Variants in OR1L8 observed in about 807,000 individuals in gnomAD.
The protein encoded by OR1L8 is olfactory receptor family 1 subfamily L member 8.
For missense variants in OR1L8, 330 were observed against 377.4 expected, an observed-to-expected ratio of 0.87 and a Z score of 1.04; for synonymous variants, 148 against 147.0, an observed-to-expected ratio of 1.01 and a Z score of -0.05.
rs76907019 is a variant in OR1L8, at chr9:122,568,470, C to A, written c.8G>T (p.Arg3Ile). The A allele has an allele frequency of 5.4e-4, 851 of 1,571,086 alleles. 16 individuals carry two copies. The East Asian group carries it at 0.019, about 35-fold the overall frequency. ...GGAGACACTGCTGGTGTGGTTGATT[C>A]TTTCCATTGACTTGGGCTCAGTTAT... ME[R>I]INHTSSVSEF... The change falls in exon 5 of 5, where the codon AGA becomes ATA. Residue 3 changes from arginine (R) to isoleucine (I), a missense_variant. Physicochemically the swap from Arg to Ile is moderately conservative, Grantham distance 97. Coordinates refer to ENST00000641027, the MANE Select transcript of OR1L8 (RefSeq NM_001004454.2).
At chr9:122,569,124 T>C (rs2118716045) in intron 4 of OR1L8, among the ~76,000 whole-genome samples, 1 of 152,104 alleles carries the variant, frequency 6.6e-6, no homozygotes, top group South Asian at 2.1e-4. Context: ...ACGCAGTCAA[T>C]AGAGTGATTT....
chr9:122,576,384 G>C (rs1829656747), intron 3 of OR1L8, among the ~76,000 whole-genome samples: 2 of 132,018 alleles, frequency 1.5e-5, no homozygotes, highest in African/African-American at 3.1e-5. Context: ...ACCACGCCCA[G>C]CTAATTTTTT....
At chr9:122,563,361 G>A (rs1278141944), downstream of OR1L8, among the ~76,000 whole-genome samples, 25 of 152,098 alleles carry the variant, frequency 1.6e-4, no homozygotes, top group Non-Finnish European at 3.5e-4. Flanking sequence ...AATGATTAGT[G>A]ATACTGAGCA....
chr9:122,558,291 A>G, the OR1L8 span, among the ~76,000 whole-genome samples: 4 of 75,128 alleles, frequency 5.3e-5, no homozygotes, highest in Non-Finnish European at 1.1e-4. Context: ...GGAAGCTTAG[A>G]TTATTTATTT....
downstream of OR1L8, among the ~76,000 whole-genome samples, chr9:122,565,635 C>T (rs1331424348): frequency 6.6e-6 from 1 of 152,196 alleles, no homozygotes; most frequent in East Asian, 1.9e-4. Context: ...CATTAGTCTG[C>T]TTCTGTCATA....
intron 3 of OR1L8, among the ~76,000 whole-genome samples, chr9:122,574,227 T>C (rs1373888265): frequency 1.3e-5 from 2 of 152,210 alleles, no homozygotes; most frequent in African/African-American, 2.4e-5. Context: ...AATTAGTTTT[T>C]TAATATCTGC....
chr9:122,547,657 G>GTGTGTA, the OR1L8 span, among the ~76,000 whole-genome samples: 1 of 147,812 alleles, frequency 6.8e-6, no homozygotes, highest in African/African-American at 2.5e-5. Context: ...GTGTGTGTGT[G>GTGTGTA]TACATACACA....
In OR1L8 at chr9:122,568,083, T is replaced by G; in HGVS notation, c.395A>C (p.His132Pro). The change falls in exon 5 of 5, where the codon CAC becomes CCC. Residue 132 changes from histidine to proline, a missense_variant. His to Pro is a moderately conservative substitution (Grantham distance 77). Coordinates refer to ENST00000641027, the MANE Select transcript of OR1L8 (RefSeq NM_001004454.2). The stretch of plus-strand genomic sequence containing the variant: ...GTGGTGGCTCATGGTGGTGACATAG[T>G]GGAAAGGGTCACAGACGGCCACATA... ...DRYVAVCDPF[H>P]YVTTMSHHHC... is the part of the protein sequence containing the mutation. 6.2e-7 allele frequency: 1 copy of G among 1,613,728 alleles called. No individual in the cohort carries two copies. Among genetic ancestry groups the G allele is most frequent in the Non-Finnish European group, 8.5e-7 (1 of 1,179,900 alleles).
chr9:122,546,641 C>T, the OR1L8 span, among the ~76,000 whole-genome samples: 2 of 152,088 alleles, frequency 1.3e-5, no homozygotes, highest in South Asian at 4.2e-4. Flanking sequence ...TTCACTTTAC[C>T]ACAATATAAA....
intron 3 of OR1L8, among the ~76,000 whole-genome samples, chr9:122,573,348 TTC>T (rs564107822): frequency 8.5e-4 from 129 of 152,380 alleles, no homozygotes; most frequent in African/African-American, 3.0e-3. Context: ...AAGGGAATGC[TTC>T]TCTTTCCTCA....
the OR1L8 span, chr9:122,553,614 T>G: frequency 1.9e-6 from 3 of 1,614,004 alleles, no homozygotes; most frequent in Non-Finnish European, 2.5e-6. Flanking sequence ...ACCACTCCAT[T>G]ACAGCACATC....
At chr9:122,580,324 C>CT (rs5900533) in intron 1 of OR1L8, among the ~76,000 whole-genome samples, 20,664 of 152,162 alleles carry the variant, frequency 0.14, 1,511 homozygotes, top group Middle Eastern at 0.2. Context: ...GAAATGTATT[C>CT]TTTTTATTTC....
the OR1L8 span, among the ~76,000 whole-genome samples, chr9:122,561,031 A>C: frequency 6.6e-6 from 1 of 151,984 alleles, no homozygotes; most frequent in Non-Finnish European, 1.5e-5. Context: ...ATCCCTTTTC[A>C]TTCTTTTTCC....
chr9:122,547,527 C>T, the OR1L8 span, among the ~76,000 whole-genome samples: 1 of 152,044 alleles, frequency 6.6e-6, no homozygotes, highest in South Asian at 2.1e-4. Context: ...CCCTCAGCCC[C>T]CTCCCACCTT....
Position 122,567,722 on chromosome 9 carries a change from A to G in OR1L8, c.756T>C (p.Phe252=). The G allele has an allele frequency of 6.2e-7, 1 of 1,614,040 alleles. No homozygotes were observed. Among genetic ancestry groups the G allele is most frequent in the East Asian group, 2.2e-5 (1 of 44,882 alleles). The part of the protein sequence containing the change: ...CGFYLTVVTL[F]YGSIFCVYLQ... ...AATAGACACAGAAGATGCTTCCATAAAAGAGCGTCACCACGGTGAGGTAAA... is the reference window on the plus strand; with the variant it reads ...AATAGACACAGAAGATGCTTCCATAGAAGAGCGTCACCACGGTGAGGTAAA... The change falls in exon 5 of 5, where the codon TTT becomes TTC. Residue 252 remains phenylalanine, a synonymous_variant. Coordinates refer to ENST00000641027, the MANE Select transcript of OR1L8 (RefSeq NM_001004454.2).
At chr9:122,554,651 C>G in the OR1L8 span, among the ~76,000 whole-genome samples, 1 of 152,200 alleles carries the variant, frequency 6.6e-6, no homozygotes, top group Non-Finnish European at 1.5e-5. Context: ...TGCCTATCGA[C>G]TCCCTTTCTA....
chr9:122,553,206 C>T, the OR1L8 span: 1 of 1,613,138 alleles, frequency 6.2e-7, no homozygotes, highest in Non-Finnish European at 8.5e-7. Context: ...ACACGAACTA[C>T]AAGGGATGGG....
chr9:122,579,087 A>C (rs932479161), intron 1 of OR1L8, among the ~76,000 whole-genome samples: 1 of 152,182 alleles, frequency 6.6e-6, no homozygotes, highest in Non-Finnish European at 1.5e-5. Context: ...AATACTGCCA[A>C]GAATATATGT....
downstream of OR1L8, among the ~76,000 whole-genome samples, chr9:122,564,405 G>A (rs1311146600): frequency 6.6e-6 from 1 of 152,102 alleles, no homozygotes; most frequent in Non-Finnish European, 1.5e-5. Context: ...TTGTGGAGTG[G>A]GGGGGTATTA....
Sources: allele counts gnomAD v4.1 joint callset (sites outside exome capture counted in the v4.1 genomes callset), GRCh38; gene constraint gnomAD v4.1.1; transcripts MANE v1.5; gene names NCBI Gene and HGNC (gene_info 2026-07-23, HGNC 2026-07-21).